SNTG1: variants seen among roughly 807,000 people sequenced by gnomAD.
The protein encoded by SNTG1 is gamma-1-syntrophin.
SNTG1 carries 39 observed loss-of-function variants against 74.7 expected under a neutral mutation model. That is an observed-to-expected ratio of 0.52 (90% CI 0.40 to 0.68). The LOEUF (loss-of-function observed/expected upper bound fraction) is 0.68. Ranked by LOEUF, SNTG1 falls within the 30% of genes least tolerant of loss-of-function variation. The pLI is 0.00. For missense variants in SNTG1, 685 were observed against 609.5 expected, an observed-to-expected ratio of 1.12 and a Z score of -1.30; for synonymous variants, 254 against 217.1, an observed-to-expected ratio of 1.17 and a Z score of -1.49.
intron 13 of SNTG1, among the ~76,000 whole-genome samples, chr8:50,599,736 CT>C (rs2094759077): frequency 6.6e-6 from 1 of 151,906 alleles, no homozygotes; most frequent in African/African-American, 2.4e-5. Flanking sequence ...TTTTTGGTGT[CT>C]TTGGATTTTT....
rs74855410 is a variant in SNTG1, at chr8:50,603,061, G to C, written c.849+12144G>C. ...GTACTTGAATGTTATCTTTCTCTAT[G>C]TTTTGGAAGTTCTCTATTATTATTT... On this transcript the variant is annotated intron_variant, in intron 13 of 18. Coordinates refer to ENST00000642720, the MANE Select transcript of SNTG1 (RefSeq NM_018967.5). 2.0e-5 allele frequency among the ~76,000 whole-genome samples: 3 copies of C among 152,038 alleles called. No homozygotes were observed. In the East Asian group the frequency reaches 5.8e-4, roughly 29 times the overall value.
intron 2 of SNTG1, among the ~76,000 whole-genome samples, chr8:50,280,919 C>T (rs1185431006): frequency 3.1e-4 from 46 of 146,420 alleles, no homozygotes; most frequent in African/African-American, 8.9e-4. Context: ...TCTGGGAGGC[C>T]GAGGCGGGTG....
intron 2 of SNTG1, among the ~76,000 whole-genome samples, chr8:50,384,162 C>A (rs560984346): frequency 1.3e-5 from 2 of 152,096 alleles, no homozygotes; most frequent in Non-Finnish European, 2.9e-5. Context: ...TTGACTCAGC[C>A]CTGCAAGAAA....
At chr8:50,652,245 T>C (rs2095151809) in intron 13 of SNTG1, among the ~76,000 whole-genome samples, 1 of 152,184 alleles carries the variant, frequency 6.6e-6, no homozygotes, top group Non-Finnish European at 1.5e-5. Context: ...ATAATTATTA[T>C]AAAGGTGTAA....
intron 1 of SNTG1, among the ~76,000 whole-genome samples, chr8:49,928,259 G>A (rs1219712615): frequency 6.6e-6 from 1 of 151,318 alleles, no homozygotes; most frequent in Non-Finnish European, 1.5e-5. Flanking sequence ...ACAGAGTCTA[G>A]CTCTGTCCCC....
intron 1 of SNTG1, among the ~76,000 whole-genome samples, chr8:50,018,176 T>A (rs1585913815): frequency 1.3e-5 from 2 of 151,956 alleles, no homozygotes; most frequent in South Asian, 2.1e-4. Context: ...CTTATAAAAT[T>A]TGTATGGAAA....
chr8:50,233,131 G>A (rs2085714711), intron 2 of SNTG1, among the ~76,000 whole-genome samples: 1 of 151,510 alleles, frequency 6.6e-6, no homozygotes, highest in South Asian at 2.1e-4. Context: ...AAAGAATAAA[G>A]CAGGATGGAT....
At chr8:50,645,445 T>G (rs10101197) in intron 13 of SNTG1, among the ~76,000 whole-genome samples, 32,141 of 152,072 alleles carry the variant, frequency 0.21, 3,762 homozygotes, top group African/African-American at 0.3. Flanking sequence ...AATATCTTAT[T>G]TGTGTGTGGA....
chr8:50,321,297 T>A (rs1282030113), intron 2 of SNTG1, among the ~76,000 whole-genome samples: 1 of 152,160 alleles, frequency 6.6e-6, no homozygotes, highest in African/African-American at 2.4e-5. Flanking sequence ...CTTATTTGTC[T>A]CTTTCTATAG....
At chr8:50,286,493 A>AACATAATGATAGTAACCACATTTTC (rs1384584023) in intron 2 of SNTG1, 3 of 152,188 alleles carry the variant, frequency 2.0e-5, no homozygotes, top group Non-Finnish European at 4.4e-5. Flanking sequence ...CAAATGGGGA[A>AACATAATGATAGTAACCACATTTTC]ACATAATGAT....
chr8:49,971,875 G>C (rs370943754), intron 1 of SNTG1, among the ~76,000 whole-genome samples: 3 of 152,024 alleles, frequency 2.0e-5, no homozygotes, highest in South Asian at 2.1e-4. Context: ...AGGATACAAA[G>C]AAATGGAAGA....
intron 1 of SNTG1, among the ~76,000 whole-genome samples, chr8:50,149,913 T>C (rs1415676631): frequency 6.6e-6 from 1 of 152,206 alleles, no homozygotes; most frequent in Non-Finnish European, 1.5e-5. Flanking sequence ...AAAGTAGTTT[T>C]TTTCCAATTC....
chr8:50,009,803 G>A (rs958521713), intron 1 of SNTG1, among the ~76,000 whole-genome samples: 3 of 152,140 alleles, frequency 2.0e-5, no homozygotes, highest in African/African-American at 7.2e-5. Flanking sequence ...TTTGAGACCA[G>A]CCTGGGAAAC....
At chr8:50,250,955 T>C (rs1454155345) in intron 2 of SNTG1, among the ~76,000 whole-genome samples, 1 of 151,414 alleles carries the variant, frequency 6.6e-6, no homozygotes, top group African/African-American at 2.4e-5. Context: ...AATAGTGCTA[T>C]GAAATTCTTC....
At chr8:49,961,877 A>C (rs1367805334) in intron 1 of SNTG1, among the ~76,000 whole-genome samples, 3 of 152,204 alleles carry the variant, frequency 2.0e-5, no homozygotes, top group Non-Finnish European at 4.4e-5. Context: ...AAGTACTATC[A>C]AGTCACCTCT....
chr8:50,280,682 G>A (rs763474839), intron 2 of SNTG1, among the ~76,000 whole-genome samples: 33 of 152,128 alleles, frequency 2.2e-4, no homozygotes, highest in Non-Finnish European at 4.0e-4. Flanking sequence ...AAAGAGTTAA[G>A]TTATTATCTA....
At chr8:50,726,599 C>CA (rs2095500741) in intron 17 of SNTG1, among the ~76,000 whole-genome samples, 1 of 152,190 alleles carries the variant, frequency 6.6e-6, no homozygotes, top group African/African-American at 2.4e-5. Flanking sequence ...CCTGTAATCC[C>CA]AGCTCTTTGG....
At chr8:50,631,755 G>T (rs1585901026) in intron 13 of SNTG1, among the ~76,000 whole-genome samples, 2 of 152,102 alleles carry the variant, frequency 1.3e-5, no homozygotes, top group East Asian at 3.9e-4. Flanking sequence ...AATGTGATTT[G>T]TTCTACAGAA....
At chr8:49,929,741 G>T (rs749678229) in intron 1 of SNTG1, among the ~76,000 whole-genome samples, 164 of 151,962 alleles carry the variant, frequency 1.1e-3, no homozygotes, top group Non-Finnish European at 1.5e-3. Context: ...TATACTTTAA[G>T]TTTTAGGGTA....
Sources: allele counts gnomAD v4.1 joint callset (sites outside exome capture counted in the v4.1 genomes callset), GRCh38; gene constraint gnomAD v4.1.1; transcripts MANE v1.5; gene names NCBI Gene and HGNC (gene_info 2026-07-23, HGNC 2026-07-21).